XYLT1: variants seen among roughly 807,000 people sequenced by gnomAD.
XYLT1 encodes xylosyltransferase 1.
Under a neutral mutation model 91.3 loss-of-function variants are expected in XYLT1, and 36 were observed. That is an observed-to-expected ratio of 0.39 (90% CI 0.30 to 0.52). XYLT1 has a LOEUF of 0.52. XYLT1 is among the 20% of genes least tolerant of loss of function. XYLT1 has a pLI of 0.68. For missense variants in XYLT1, 1,242 were observed against 1,284.5 expected (o/e 0.97, Z 0.51); for synonymous variants, 588 against 532.0 (o/e 1.11, Z -1.45).
chr16:17,398,772 TCA>T (rs993855949), intron 1 of XYLT1, among the ~76,000 whole-genome samples: 7 of 149,026 alleles, frequency 4.7e-5, no homozygotes, highest in Non-Finnish European at 1.0e-4. Context: ...GCCTTCGCCT[TCA>T]CAAAGTGTCC....
intron 3 of XYLT1, among the ~76,000 whole-genome samples, chr16:17,241,296 A>G (rs1433490137): frequency 3.3e-5 from 5 of 152,206 alleles, no homozygotes; most frequent in Non-Finnish European, 7.3e-5. Flanking sequence ...TAACCAGGTT[A>G]ATTGCTCTTT....
intron 1 of XYLT1, among the ~76,000 whole-genome samples, chr16:17,463,444 C>T (rs940231893): frequency 3.3e-5 from 5 of 152,232 alleles, no homozygotes; most frequent in East Asian, 1.9e-4. Flanking sequence ...AGAAGACATA[C>T]GAATGGCCAA....
At chr16:17,184,261 G>A (rs931798515) in intron 5 of XYLT1, among the ~76,000 whole-genome samples, 17 of 138,762 alleles carry the variant, frequency 1.2e-4, no homozygotes, top group African/African-American at 2.5e-4. Context: ...GGTTGGAAAC[G>A]TCCCATCCAC....
At chr16:17,164,490 C>G (rs982975604) in intron 5 of XYLT1, among the ~76,000 whole-genome samples, 8 of 152,124 alleles carry the variant, frequency 5.3e-5, no homozygotes, top group African/African-American at 1.9e-4. Context: ...TTTCATCTTG[C>G]AAAACTGACA....
chr16:17,428,623 C>T (rs1347064191), intron 1 of XYLT1, among the ~76,000 whole-genome samples: 1 of 152,176 alleles, frequency 6.6e-6, no homozygotes, highest in Admixed American at 6.5e-5. Context: ...CATCTCTTGT[C>T]ATCAATGTGT....
chr16:17,310,737 T>C (rs1473643965), intron 2 of XYLT1, among the ~76,000 whole-genome samples: 3 of 152,070 alleles, frequency 2.0e-5, no homozygotes, highest in Non-Finnish European at 2.9e-5. Flanking sequence ...AAATCCTAGC[T>C]ACTAGGGAGG....
chr16:17,169,667 G>A (rs1436431320), intron 5 of XYLT1, among the ~76,000 whole-genome samples: 2 of 151,784 alleles, frequency 1.3e-5, no homozygotes, highest in Non-Finnish European at 2.9e-5. Flanking sequence ...TGGGTTGGGG[G>A]GCGGGCGGGG....
At chr16:17,394,962 CT>C (rs756581737) in intron 1 of XYLT1, among the ~76,000 whole-genome samples, 33 of 152,228 alleles carry the variant, frequency 2.2e-4, no homozygotes, top group South Asian at 8.3e-4. Context: ...CCCATCCCCC[CT>C]GTATTAGTCC....
intron 1 of XYLT1, among the ~76,000 whole-genome samples, chr16:17,456,393 A>G (rs922810750): frequency 7.2e-6 from 1 of 139,190 alleles, no homozygotes. Flanking sequence ...GCTGGAGTGC[A>G]GTGGTGCGAT....
At chr16:17,324,888 T>A (rs1261496828) in intron 2 of XYLT1, among the ~76,000 whole-genome samples, 1 of 152,250 alleles carries the variant, frequency 6.6e-6, no homozygotes, top group African/African-American at 2.4e-5. Flanking sequence ...TGTTATAAAA[T>A]ACTCATGAAA....
At chr16:17,377,508 A>C (rs2035618325) in intron 1 of XYLT1, among the ~76,000 whole-genome samples, 2 of 152,068 alleles carry the variant, frequency 1.3e-5, no homozygotes, top group African/African-American at 4.8e-5. Context: ...GGCTTTGAGA[A>C]TGGCTTATTT....
At chr16:17,274,783 C>A (rs761956873) in intron 2 of XYLT1, among the ~76,000 whole-genome samples, 4 of 152,126 alleles carry the variant, frequency 2.6e-5, no homozygotes, top group Non-Finnish European at 4.4e-5. Flanking sequence ...GTGAGAGGAC[C>A]AGCCCAACTC....
chr16:17,355,501 G>A (rs907918205), intron 2 of XYLT1: 1 of 152,206 alleles, frequency 6.6e-6, no homozygotes, highest in Admixed American at 6.5e-5. Context: ...AGACTGGGTA[G>A]AGACACGTTT....
intron 1 of XYLT1, among the ~76,000 whole-genome samples, chr16:17,358,330 T>C (rs140991924): frequency 5.9e-5 from 9 of 151,940 alleles, no homozygotes; most frequent in Admixed American, 4.6e-4. Flanking sequence ...AGAGATGGGG[T>C]CTCGCTATGT....
At chr16:17,319,449 A>ATT (rs746624402) in intron 2 of XYLT1, among the ~76,000 whole-genome samples, 2 of 144,224 alleles carry the variant, frequency 1.4e-5, no homozygotes, top group African/African-American at 5.1e-5. Flanking sequence ...CCATTCAGGA[A>ATT]TTTTTTTTTT....
Position 17,192,120 on chromosome 16 carries a change from T to C in XYLT1, c.1289+6092A>G, listed in dbSNP as rs552964732. Among the ~76,000 whole-genome samples the C allele has an allele frequency of 7.8e-4, 110 of 141,800 alleles. 1 individual carries two copies. The East Asian group carries it at 0.017, about 22-fold the overall frequency. The allele number at this position is 141,800 out of a possible 152,430, so 93.0% of individuals were successfully genotyped here. On this transcript the variant is annotated intron_variant, in intron 5 of 11. Coordinates refer to ENST00000261381, the MANE Select transcript of XYLT1 (RefSeq NM_022166.4). ...TTTTTTTTTTTTTTTTTTTTTTAGA[T>C]GGAGTTTCACTCCTGCTGCCCGGGC...
intron 1 of XYLT1, among the ~76,000 whole-genome samples, chr16:17,399,498 T>C (rs1056894375): frequency 6.6e-6 from 1 of 152,246 alleles, no homozygotes; most frequent in African/African-American, 2.4e-5. Context: ...AAACAGGCTT[T>C]AACCTGAAGT....
At chr16:17,139,739 A>G (rs544765779) in intron 7 of XYLT1, among the ~76,000 whole-genome samples, 2 of 152,260 alleles carry the variant, frequency 1.3e-5, no homozygotes, top group East Asian at 3.8e-4. Context: ...TCCCTGCAAT[A>G]TAATGGATGA....
At chr16:17,245,816 A>G (rs914906611) in intron 3 of XYLT1, among the ~76,000 whole-genome samples, 3 of 152,196 alleles carry the variant, frequency 2.0e-5, no homozygotes, top group Admixed American at 1.3e-4. Flanking sequence ...ACTAACACAA[A>G]TATACCACAG....
Sources: allele counts gnomAD v4.1 joint callset (sites outside exome capture counted in the v4.1 genomes callset), GRCh38; gene constraint gnomAD v4.1.1; transcripts MANE v1.5; gene names NCBI Gene and HGNC (gene_info 2026-07-23, HGNC 2026-07-21).